CACNA2D3: variants seen among roughly 807,000 people sequenced by gnomAD.
The protein encoded by CACNA2D3 is voltage-dependent calcium channel subunit alpha-2/delta-3.
Under a neutral mutation model 160.6 loss-of-function variants are expected in CACNA2D3, and 60 were observed. That is an observed-to-expected ratio of 0.37 (90% CI 0.30 to 0.46). CACNA2D3 has a LOEUF of 0.46. CACNA2D3 is among the 20% of genes least tolerant of loss of function. The pLI is 1.00. For missense variants in CACNA2D3, 1,205 were observed against 1,365.0 expected, an observed-to-expected ratio of 0.88 and a Z score of 1.85; for synonymous variants, 558 against 492.9, an observed-to-expected ratio of 1.13 and a Z score of -1.75.
intron 2 of CACNA2D3, among the ~76,000 whole-genome samples, chr3:54,137,335 C>T (rs1225523261): frequency 2.0e-5 from 3 of 152,170 alleles, no homozygotes; most frequent in Non-Finnish European, 4.4e-5. Flanking sequence ...GGCCATTCTC[C>T]AATTTGTGAG....
At chr3:54,336,143 G>T (rs1424469036) in intron 3 of CACNA2D3, among the ~76,000 whole-genome samples, 6 of 152,076 alleles carry the variant, frequency 3.9e-5, no homozygotes, top group African/African-American at 1.4e-4. Flanking sequence ...CGGCCCCAGT[G>T]GGTTATGGAG....
chr3:54,850,802 C>T (rs1699041956), intron 17 of CACNA2D3, among the ~76,000 whole-genome samples: 2 of 152,324 alleles, frequency 1.3e-5, no homozygotes, highest in South Asian at 2.1e-4. Context: ...TGCTCTGTGT[C>T]TGCAAACCCA....
intron 5 of CACNA2D3, among the ~76,000 whole-genome samples, chr3:54,542,131 G>A (rs191961544): frequency 6.6e-6 from 1 of 151,692 alleles, no homozygotes; most frequent in African/African-American, 2.4e-5. Flanking sequence ...GCGTGATCTC[G>A]GCTCGCTGCA....
At chr3:55,069,853 A>G (rs1704758774) in intron 35 of CACNA2D3, among the ~76,000 whole-genome samples, 1 of 152,218 alleles carries the variant, frequency 6.6e-6, no homozygotes, top group African/African-American at 2.4e-5. Context: ...TGCTATACAT[A>G]ATGGTCACCA....
intron 2 of CACNA2D3, among the ~76,000 whole-genome samples, chr3:54,166,377 A>G (rs1192495286): frequency 2.6e-5 from 4 of 152,200 alleles, no homozygotes; most frequent in African/African-American, 9.6e-5. Flanking sequence ...ACTTACTGCA[A>G]GTTATTAGCT....
At chr3:55,046,425 A>G (rs1704083617) in intron 35 of CACNA2D3, among the ~76,000 whole-genome samples, 1 of 95,422 alleles carries the variant, frequency 1.0e-5, no homozygotes, top group South Asian at 3.6e-4. Flanking sequence ...TACAAAGGAC[A>G]TGAACTCATC....
At position 54,522,758 on chromosome 3, in the gene CACNA2D3, C is replaced by A. The variant is rs191869214; in HGVS notation, c.544+19104C>A. The stretch of plus-strand genomic sequence containing the variant: ...TCAGGAACTCACTCCTGCAGCAAAC[C>A]ACTATTTTGATAATGGCCTTAATCC... On this transcript the variant is annotated intron_variant, in intron 5 of 37. Transcript: ENST00000474759. Among the ~76,000 whole-genome samples, 5 of 152,096 alleles carry A rather than the reference C, an allele frequency of 3.3e-5. No homozygotes were observed. In the East Asian group the frequency reaches 5.8e-4, roughly 18 times the overall value.
chr3:54,160,098 A>G (rs1190437732), intron 2 of CACNA2D3, among the ~76,000 whole-genome samples: 1 of 152,216 alleles, frequency 6.6e-6, no homozygotes, highest in Non-Finnish European at 1.5e-5. Flanking sequence ...GAATAGGAAG[A>G]TGATTCATTC....
chr3:54,354,308 G>A (rs1001598347), intron 3 of CACNA2D3, among the ~76,000 whole-genome samples: 3 of 152,148 alleles, frequency 2.0e-5, no homozygotes, highest in African/African-American at 7.2e-5. Context: ...ACAGCCCAGG[G>A]CCTTTTTGCC....
intron 11 of CACNA2D3, among the ~76,000 whole-genome samples, chr3:54,730,456 C>T (rs996048627): frequency 1.3e-5 from 2 of 152,112 alleles, no homozygotes; most frequent in Non-Finnish European, 2.9e-5. Context: ...GAGTGTTTTG[C>T]CTCCTTTGGG....
chr3:54,867,754 T>A (rs997391748), intron 17 of CACNA2D3, among the ~76,000 whole-genome samples: 3 of 152,174 alleles, frequency 2.0e-5, no homozygotes, highest in Non-Finnish European at 1.5e-5. Context: ...CAAGCTCCCA[T>A]CCTGGCACCT....
chr3:54,997,473 G>T lies in CACNA2D3; in HGVS notation c.2691-7290G>T, dbSNP rs531287103. Among the ~76,000 whole-genome samples, 6 of 152,214 alleles carry T rather than the reference G, an allele frequency of 3.9e-5. No homozygotes were observed. In the South Asian group the frequency reaches 6.2e-4, roughly 16 times the overall value. On this transcript the variant is annotated intron_variant, in intron 31 of 37. Transcript: ENST00000474759. ...TCCCAGCACTTTGGGAGGCCTAGGTGGGGGAAGTGCTTGAGCTCAGGAGTT... is the reference window on the plus strand; with the variant it reads ...TCCCAGCACTTTGGGAGGCCTAGGTTGGGGAAGTGCTTGAGCTCAGGAGTT...
intron 3 of CACNA2D3, among the ~76,000 whole-genome samples, chr3:54,383,831 T>C (rs1699144905): frequency 6.6e-6 from 1 of 152,206 alleles, no homozygotes; most frequent in Non-Finnish European, 1.5e-5. Context: ...GTTAATACAA[T>C]ATTATCAGAT....
At chr3:54,451,388 T>G (rs1222406807) in intron 4 of CACNA2D3, among the ~76,000 whole-genome samples, 1 of 151,960 alleles carries the variant, frequency 6.6e-6, no homozygotes, top group Non-Finnish European at 1.5e-5. Flanking sequence ...TAGCTGGGAC[T>G]ACAGGCACAC....
intron 11 of CACNA2D3, among the ~76,000 whole-genome samples, chr3:54,701,910 A>G (rs575932705): frequency 6.6e-6 from 1 of 152,334 alleles, no homozygotes; most frequent in South Asian, 2.1e-4. Flanking sequence ...ACAAAAGCAG[A>G]CACAGACCAA....
chr3:54,438,030 C>T (rs1700085903), intron 4 of CACNA2D3, among the ~76,000 whole-genome samples: 1 of 152,024 alleles, frequency 6.6e-6, no homozygotes, highest in South Asian at 2.1e-4. Context: ...TTGTTTAATG[C>T]AGATATTAGA....
chr3:54,635,905 C>G (rs1042049029), intron 10 of CACNA2D3, among the ~76,000 whole-genome samples: 7 of 151,920 alleles, frequency 4.6e-5, no homozygotes, highest in Non-Finnish European at 8.8e-5. Flanking sequence ...CTTCTCAGAC[C>G]CTGTAGGAAA....
At chr3:54,951,661 A>G (rs1399630177) in intron 27 of CACNA2D3, among the ~76,000 whole-genome samples, 1 of 150,176 alleles carries the variant, frequency 6.7e-6, no homozygotes, top group Admixed American at 6.6e-5. Context: ...CAGTTCCAAG[A>G]AGTCCTGGCA....
At chr3:55,038,788 G>A (rs1703889545) in intron 35 of CACNA2D3, among the ~76,000 whole-genome samples, 1 of 149,588 alleles carries the variant, frequency 6.7e-6, no homozygotes, top group African/African-American at 2.4e-5. Flanking sequence ...ATAAAAGTCA[G>A]TCGTGGTTCT....
Sources: gnomAD v4.1 joint callset for allele counts (sites outside exome capture counted in the v4.1 genomes callset) on GRCh38, gnomAD v4.1.1 for gene constraint, MANE v1.5 for transcripts, NCBI Gene and HGNC (gene_info 2026-07-23, HGNC 2026-07-21) for gene names.